Variants in NTRK1 observed in about 807,000 individuals in gnomAD.
NTRK1 encodes neurotrophic receptor tyrosine kinase 1.
In NTRK1, 62 loss-of-function variants were observed where a neutral mutation model predicts 86.8. That is an observed-to-expected ratio of 0.71 (90% CI 0.58 to 0.88). The LOEUF (loss-of-function observed/expected upper bound fraction) is 0.88, where lower values mean the gene tolerates loss of function less well. NTRK1 is among the 40% of genes least tolerant of loss of function. The probability of loss-of-function intolerance (pLI) is 0.00; values close to 1 mark genes in which losing one functional copy is unlikely to be tolerated. For synonymous variants in NTRK1, 469 were observed against 456.6 expected (o/e 1.03, Z -0.35); for missense variants, 967 against 1,078.4 (o/e 0.90, Z 1.45).
intron 2 of NTRK1, chr1:156,843,625 T>G: frequency 1.2e-6 from 1 of 814,926 alleles, no homozygotes. Flanking sequence ...TGGGGATCCC[T>G]AAGTACCCTC....
intron 1 of NTRK1, chr1:156,816,913 T>C (rs1472364588): frequency 4.6e-6 from 2 of 433,626 alleles, no homozygotes; most frequent in Non-Finnish European, 8.2e-6. Flanking sequence ...CACGCAGCTG[T>C]AGATAGCGGT....
chr1:156,851,738 C>T, intron 2 of NTRK1: 1 of 1,614,174 alleles, frequency 6.2e-7, no homozygotes, highest in Non-Finnish European at 8.5e-7. Flanking sequence ...GGTCTTGGTG[C>T]CTACCTTGCA....
At chr1:156,845,809 G>T in intron 2 of NTRK1, 1 of 1,611,864 alleles carries the variant, frequency 6.2e-7, no homozygotes, top group Non-Finnish European at 8.5e-7. Context: ...GTGGGCAGCC[G>T]CAAGCCTGGC....
intron 16 of NTRK1, chr1:156,880,455 G>T: frequency 2.2e-6 from 1 of 460,760 alleles, no homozygotes. Context: ...ATAGACCTAA[G>T]CAGGAATTAT....
At chr1:156,853,922 C>T in intron 2 of NTRK1, 2 of 1,614,080 alleles carry the variant, frequency 1.2e-6, no homozygotes, top group South Asian at 1.1e-5. Flanking sequence ...CTGCAGCAGT[C>T]CCCAGTCAAT....
intron 2 of NTRK1, chr1:156,852,253 A>G: frequency 4.1e-6 from 6 of 1,475,306 alleles, no homozygotes; most frequent in Non-Finnish European, 5.5e-6. Flanking sequence ...TGTCCTTCCA[A>G]TGCTGGCCCC....
chr1:156,845,569 T>G, intron 2 of NTRK1: 3 of 209,662 alleles, frequency 1.4e-5, no homozygotes, highest in Non-Finnish European at 2.2e-5. Context: ...GACCCGCCCC[T>G]CACAGGCCCC....
At chr1:156,824,965 C>T (rs1654282327) in intron 1 of NTRK1, among the ~76,000 whole-genome samples, 1 of 152,222 alleles carries the variant, frequency 6.6e-6, no homozygotes, top group South Asian at 2.1e-4. Flanking sequence ...TCTCAGCTCA[C>T]TGCAACCTCC....
chr1:156,862,585 A>G (rs2102881944), intron 1 of NTRK1, among the ~76,000 whole-genome samples: 1 of 151,982 alleles, frequency 6.6e-6, no homozygotes, highest in East Asian at 1.9e-4. Flanking sequence ...CTGCAGCCTG[A>G]CATCCCCCTC....
Position 156,881,628 on chromosome 1 carries a change from G to GA in NTRK1, c.2378dup (p.Asp793GlufsTer?). 1 of 1,607,608 alleles carries GA rather than the reference G, an allele frequency of 6.2e-7. No individual in the cohort carries two copies. The highest frequency in any genetic ancestry group is 8.5e-7 in the Non-Finnish European group (1 of 1,177,638). On this transcript the variant is annotated frameshift_variant, in exon 17 of 17. Coordinates refer to ENST00000524377, the MANE Select transcript of NTRK1 (RefSeq NM_002529.4). LOFTEE classifies it high-confidence loss of function. ...GGCCCAGGCACCTCCTGTCTACCTG[G>GA]ATGTCCTGGGCTAGGGGGCCGGCCC... is the stretch of plus-strand genomic sequence containing the variant.
upstream of NTRK1, among the ~76,000 whole-genome samples, chr1:156,856,485 A>T (rs1009993692): frequency 1.3e-5 from 2 of 151,644 alleles, no homozygotes; most frequent in African/African-American, 2.4e-5. Context: ...GGTGTAGATA[A>T]ACCATTCCTT....
At chr1:156,875,425 G>T (rs1363897675) in intron 11 of NTRK1, 95 bp from the exon 12 acceptor site, 10 of 1,532,900 alleles carry the variant, frequency 6.5e-6, no homozygotes, top group Admixed American at 1.7e-5. Context: ...TCCCCTGCAA[G>T]TTACAAGGTG....
intron 2 of NTRK1, chr1:156,845,303 A>T: frequency 6.2e-7 from 1 of 1,612,040 alleles, no homozygotes; most frequent in Non-Finnish European, 8.5e-7. Context: ...GTCCCTGGGG[A>T]GAGCGAGTCA....
chr1:156,841,319 C>A, intron 1 of NTRK1: 1 of 1,439,602 alleles, frequency 6.9e-7, no homozygotes, highest in Non-Finnish European at 9.7e-7. Context: ...AGGAGGTGAG[C>A]CAGAATCATG....
intron 1 of NTRK1, chr1:156,842,041 C>T (rs1200539123): frequency 2.5e-6 from 4 of 1,599,800 alleles, no homozygotes; most frequent in Non-Finnish European, 3.4e-6. Context: ...GGCTGTGGGT[C>T]TCCTGATGCC....
At position 156,851,950 on chromosome 1, in the gene NTRK1, G is replaced by A. The variant is rs55881234; in HGVS notation, c.50+9757G>A. ...CCAGGCAACTGCCCTGGTGTATGCC[G>A]AAGGTGGAGGCACGGCCGGGCACAG... On this transcript the variant is annotated intron_variant, in intron 2 of 16. Transcript: ENST00000392302. 1.8e-3 allele frequency: 2,949 copies of A among 1,606,512 alleles called. 8 individuals are homozygous for A. The highest frequency in any genetic ancestry group is 2.2e-3 in the Non-Finnish European group (2,602 of 1,174,066).
intron 1 of NTRK1, chr1:156,837,215 G>A (rs1654618165): frequency 6.6e-6 from 1 of 151,514 alleles, no homozygotes; most frequent in Non-Finnish European, 1.5e-5. Flanking sequence ...TGTGTACCAG[G>A]GACTCACCAG....
At chr1:156,818,174 G>C (rs2102829858) in intron 1 of NTRK1, among the ~76,000 whole-genome samples, 1 of 152,200 alleles carries the variant, frequency 6.6e-6, no homozygotes, top group Middle Eastern at 3.4e-3. Context: ...TGTGATTTAG[G>C]CCAAAGGTTC....
At chr1:156,851,723 T>C in intron 2 of NTRK1, 2 of 1,613,870 alleles carry the variant, frequency 1.2e-6, no homozygotes, top group Admixed American at 1.7e-5. Flanking sequence ...CTGGATGGAG[T>C]CGATGGTCTT....
Sources: allele counts gnomAD v4.1 joint callset (sites outside exome capture counted in the v4.1 genomes callset), GRCh38; gene constraint gnomAD v4.1.1; transcripts MANE v1.5; gene names NCBI Gene and HGNC (gene_info 2026-07-23, HGNC 2026-07-21).